The following TTN variants were observed in gnomAD, a reference collection of about 807,000 sequenced individuals.
The protein encoded by TTN is connectin.
In TTN, 1,525 loss-of-function variants were observed where a neutral mutation model predicts 3,223.0. That is an observed-to-expected ratio of 0.47 (90% CI 0.45 to 0.49). The LOEUF (loss-of-function observed/expected upper bound fraction) is 0.49, where lower values mean the gene tolerates loss of function less well. Among genes scored for constraint, TTN ranks in the 20% least tolerant of loss-of-function variants. The pLI, the probability that TTN is intolerant of heterozygous loss-of-function variation, is 0.00. For missense variants in TTN, 40,786 were observed against 43,424.0 expected, an observed-to-expected ratio of 0.94 and a Z score of 5.40; for synonymous variants, 14,094 against 15,161.0, an observed-to-expected ratio of 0.93 and a Z score of 5.17.
rs1188932965 is a variant in TTN at position 178,578,324 on chromosome 2, A to C, written c.68330-139T>G. On this transcript the variant is annotated intron_variant, in intron 321 of 362. Transcript: ENST00000589042. ...GCTAGTATCTATACTTTTATTACCC[A>C]AGCATAGTGCCATTTTTTTTTTCCT... 4.8e-6 allele frequency: 4 copies of C among 827,856 alleles called. No individual in the cohort carries two copies. In the South Asian group the frequency reaches 6.5e-5, roughly 13 times the overall value. The allele number at this position is 827,856 out of a possible 1,614,324, so 51.3% of individuals were successfully genotyped here. A position where few individuals can be genotyped will look rare whatever the true frequency, so the allele number is the denominator to read the frequency against.
Position 178,572,305 on chromosome 2 carries a change from T to G in TTN, c.73827A>C (p.Glu24609Asp), listed in dbSNP as rs754097967. The stretch of plus-strand genomic sequence containing the variant: ...GAGGTCGTTCTGATGCTTTCACAGA[T>G]TCTGCGGTTTCAGCAGGCAGCCCAA... ...YGIGLPAETAESVKASERPLP... is the reference protein window; with the variant it reads ...YGIGLPAETADSVKASERPLP... The change falls in exon 326 of 363, where the codon GAA becomes GAC. Residue 24609 changes from glutamate to aspartate, a missense_variant. Transcript: ENST00000589042. The G allele has an allele frequency of 6.2e-7, 1 of 1,611,624 alleles. No homozygotes were observed. Among genetic ancestry groups the G allele is most frequent in the East Asian group, 2.2e-5 (1 of 44,718 alleles).
chr2:178,728,514 T>C lies in TTN; in HGVS notation c.19412A>G (p.Tyr6471Cys). ...AAGATACAAACCTAGCACTCTTAAG[T>C]AGGCATCACAGCTACTGCTTCCGAA... is the stretch of plus-strand genomic sequence containing the variant. ...NDFGSSSCDA[Y>C]LRVLDQNIPP... Residue 6471 changes from tyrosine (Y) to cysteine (C), a missense_variant, in exon 66 of 363, where the codon TAC becomes TGC. Tyr to Cys is a radical substitution (Grantham distance 194). Coordinates refer to ENST00000589042, the MANE Select transcript of TTN (RefSeq NM_001267550.2). 3 of 1,610,346 alleles carry C rather than the reference T, an allele frequency of 1.9e-6. No individual in the cohort carries two copies. The highest frequency in any genetic ancestry group is 2.5e-6 in the Non-Finnish European group (3 of 1,177,496).
Position 178,530,681 on chromosome 2 carries a change from A to G in TTN, c.105934T>C (p.Leu35312=). The G allele has an allele frequency of 6.2e-7, 1 of 1,613,934 alleles. No homozygotes were observed. The highest frequency in any genetic ancestry group is 1.1e-5 in the South Asian group (1 of 91,084). The change falls in exon 358 of 363, where the codon TTA becomes CTA. Residue 35312 remains leucine, a synonymous_variant. Coordinates refer to ENST00000589042, the MANE Select transcript of TTN (RefSeq NM_001267550.2). ...TACCAGGTGACCTCTTTTGCCCTTA[A>G]TACACTGCTTTCAACCACACAGGTC... ...KLTCVVESSV[L]RAKEVTWYKD...
chr2:178,702,369 G>T, intron 107 of TTN, 85 bp downstream of exon 107: 1 of 1,599,744 alleles, frequency 6.3e-7, no homozygotes, highest in South Asian at 1.1e-5. Context: ...GATAGAATGA[G>T]AGCATGAGCG....
chr2:178,670,981 CAAG>C, intron 156 of TTN, 106 bp downstream of exon 156: 1 of 809,142 alleles, frequency 1.2e-6, no homozygotes, highest in Non-Finnish European at 1.9e-6. Context: ...ATGTCAGAAA[CAAG>C]AAATACAGAA....
rs1380070916 is a variant in TTN at position 178,710,729 on chromosome 2, G to A, written c.28368C>T (p.Val9456=). The change falls in exon 98 of 363, where the codon GTC becomes GTT. Residue 9456 remains valine, a synonymous_variant. Coordinates refer to ENST00000589042, the MANE Select transcript of TTN (RefSeq NM_001267550.2). ...CAGAATCTCCTTTGTCTACTTTGAG[G>A]ACTGTCAGGTGGGCGCTGTTTTCCA... ...SYLENSAHLT[V]LKVDKGDSGQ... is the part of the protein sequence containing the mutation. 1.9e-6 allele frequency: 3 copies of A among 1,613,718 alleles called. No individual in the cohort carries two copies. The highest frequency in any genetic ancestry group is 2.5e-6 in the Non-Finnish European group (3 of 1,179,830).
chr2:178,569,474 T>C lies in TTN; in HGVS notation c.76658A>G (p.Asp25553Gly), dbSNP rs1197063716. ...GCTAGTGACATCAATTATAGCTGCA[T>C]CTCGGATTTCACCATCCACCTTTCC... ...KWGKVDGEIR[D>G]AAIIDVTSSF... Residue 25553 changes from aspartate (D) to glycine (G), a missense_variant, in exon 326 of 363, where the codon GAT (aspartate) becomes GGT (glycine). Asp to Gly is a moderately conservative substitution (Grantham distance 94). Transcript: ENST00000589042. 2 of 1,612,766 alleles carry C rather than the reference T, an allele frequency of 1.2e-6. No homozygotes were observed. The highest frequency in any genetic ancestry group is 1.1e-5 in the South Asian group (1 of 91,000).
rs1204691944 is a variant in TTN, at chr2:178,713,326, A to G, written c.26808T>C (p.Asn8936=). ...PSFTRKLKET[N]GLSGSSVVME... ...TTACAACTGAGGAGCCGGATAGACC[A>G]TTTGTCTCTTTCAATTTTCTTGTGA... is the stretch of plus-strand genomic sequence containing the variant. The change falls in exon 93 of 363, where the codon AAT becomes AAC. Residue 8936 remains asparagine, a synonymous_variant. Transcript: ENST00000589042. The G allele has an allele frequency of 2.6e-6, 4 of 1,567,906 alleles. No homozygotes were observed. Among genetic ancestry groups the G allele is most frequent in the South Asian group, 1.2e-5 (1 of 85,780 alleles).
At chr2:178,685,907 A>C (rs1293326340) in intron 127 of TTN, among the ~76,000 whole-genome samples, 2 of 152,168 alleles carry the variant, frequency 1.3e-5, no homozygotes, top group Admixed American at 1.3e-4. Flanking sequence ...AGCTGAGTTA[A>C]TAAGAACAGA....
Position 178,672,703 on chromosome 2 carries a change from A to C in TTN, c.34787T>G (p.Val11596Gly). The change falls in exon 153 of 363, where the codon GTG (valine) becomes GGG (glycine). Residue 11596 changes from valine (V) to glycine (G), a missense_variant and splice_region_variant. Coordinates refer to ENST00000589042, the MANE Select transcript of TTN (RefSeq NM_001267550.2). ...PKKVEAPPAK[V>G]SKKIPEEKVP... ...TTTTTCCTCAGGAATTTTCTTTGAC[A>C]CTTTAAAGATATTAGGTGTTTTAGT... 1 of 1,599,332 alleles carries C rather than the reference A, an allele frequency of 6.3e-7. No homozygotes were observed. Among genetic ancestry groups the C allele is most frequent in the Admixed American group, 1.7e-5 (1 of 57,816 alleles).
chr2:178,738,549 T>C (rs1328925994), intron 48 of TTN, among the ~76,000 whole-genome samples, 189 bp from the exon 49 acceptor site: 1 of 152,126 alleles, frequency 6.6e-6, no homozygotes, highest in African/African-American at 2.4e-5. Flanking sequence ...CAATAAGCTT[T>C]TTTTAAAAAA....
chr2:178,739,821 A>T lies in TTN; in HGVS notation c.13412T>A (p.Met4471Lys), dbSNP rs765555971. Residue 4471 changes from methionine to lysine, a missense_variant, in exon 48 of 363, where the codon ATG becomes AAG. Coordinates refer to ENST00000589042, the MANE Select transcript of TTN (RefSeq NM_001267550.2). Reference protein sequence around the residue: ...DVDPQMANLKMELRDALCAII... With the variant: ...DVDPQMANLKKELRDALCAII... Reference sequence around the variant, plus strand: ...AGCACACAAAGCATCCCTAAGTTCCATTTTCAGGTTAGCCATTTGAGGATC... The same window carrying T: ...AGCACACAAAGCATCCCTAAGTTCCTTTTTCAGGTTAGCCATTTGAGGATC... 6.2e-7 allele frequency: 1 copy of T among 1,613,824 alleles called. No homozygotes were observed. The highest frequency in any genetic ancestry group is 8.5e-7 in the Non-Finnish European group (1 of 1,179,810).
rs1416855828 is a variant in TTN, at chr2:178,557,538, A to T, written c.87724T>A (p.Ser29242Thr). ...GTAACATTAGTGACCCATGGTGTAG[A>T]TGGTGGTCCAGGTGTTGCTACAAAA... ...KLPYTTPGPPSTPWVTNVTRE... is the reference protein window; with the variant it reads ...KLPYTTPGPPTTPWVTNVTRE... Residue 29242 changes from serine to threonine, a missense_variant, in exon 329 of 363, where the codon TCT (serine) becomes ACT (threonine). Physicochemically the swap from Ser to Thr is moderately conservative, Grantham distance 58. Coordinates refer to ENST00000589042, the MANE Select transcript of TTN (RefSeq NM_001267550.2). 2 of 1,613,788 alleles carry T rather than the reference A, an allele frequency of 1.2e-6. No individual in the cohort carries two copies. The highest frequency in any genetic ancestry group is 1.3e-5 in the African/African-American group (1 of 74,940).
At position 178,533,855 on chromosome 2, in the gene TTN, G is replaced by A; in HGVS notation, c.102760C>T (p.Leu34254=). 1 of 1,613,896 alleles carries A rather than the reference G, an allele frequency of 6.2e-7. No individual in the cohort carries two copies. The highest frequency in any genetic ancestry group is 1.1e-5 in the South Asian group (1 of 91,084). ...AGGGTAAATTCTGGTGGCCTTTCCA[G>A]GAGTCTCATTGTGTCTGTTCTGCGC... ...IKRRTDTMRL[L]ERPPEFTLPL... The change falls in exon 358 of 363, where the codon CTG becomes TTG. Residue 34254 remains leucine (L), a synonymous_variant. Transcript: ENST00000589042.
At position 178,770,333 on chromosome 2, in the gene TTN, T is replaced by C. The variant is rs2091280199; in HGVS notation, c.8381-13A>G. 2 of 1,614,148 alleles carry C rather than the reference T, an allele frequency of 1.2e-6. No individual in the cohort carries two copies. Among genetic ancestry groups the C allele is most frequent in the Non-Finnish European group, 1.7e-6 (2 of 1,180,020 alleles). Reference sequence around the variant, plus strand: ...ATGATCTTGACAGCTAAGAGGAAAATTGGAGCAATTCAGTGATAGGGTTAA... The same window carrying C: ...ATGATCTTGACAGCTAAGAGGAAAACTGGAGCAATTCAGTGATAGGGTTAA... On this transcript the variant is annotated splice_polypyrimidine_tract_variant and intron_variant, in intron 35 of 362. Coordinates refer to ENST00000589042, the MANE Select transcript of TTN (RefSeq NM_001267550.2).
chr2:178,669,465 TATTA>T lies in TTN; in HGVS notation c.35471-22_35471-19del. 1 of 1,556,352 alleles carries T rather than the reference TATTA, an allele frequency of 6.4e-7. No homozygotes were observed. Among genetic ancestry groups the T allele is most frequent in the Non-Finnish European group, 8.6e-7 (1 of 1,157,514 alleles). On this transcript the variant is annotated intron_variant, in intron 158 of 362. Coordinates refer to ENST00000589042, the MANE Select transcript of TTN (RefSeq NM_001267550.2). The stretch of plus-strand genomic sequence containing the variant: ...CCCAGGAACTTTAAAGATATTAGTA[TATTA>T]ATTGTTACAGATAACAAATATAAGA...
chr2:178,738,488 T>C (rs987349714), intron 48 of TTN, 128 bp from the exon 49 acceptor site: 6 of 1,159,796 alleles, frequency 5.2e-6, no homozygotes, highest in Admixed American at 6.3e-5. Flanking sequence ...ATTACAGCAG[T>C]TTAAGGCAAG....
At chr2:178,727,421 A>G (rs1432405895) in intron 68 of TTN, 50 bp from the exon 69 acceptor site, 1 of 1,519,616 alleles carries the variant, frequency 6.6e-7, no homozygotes, top group Non-Finnish European at 8.8e-7. Context: ...ATAAATAACA[A>G]TAGTTAAATT....
At chr2:178,598,160 C>G (rs2052275042) in intron 292 of TTN, 102 bp from the exon 293 acceptor site, 1 of 1,341,656 alleles carries the variant, frequency 7.5e-7, no homozygotes, top group African/African-American at 1.5e-5. Context: ...TAACTGTTTA[C>G]TCTGGGAAAA....
Sources: gnomAD v4.1 joint callset for allele counts (sites outside exome capture counted in the v4.1 genomes callset) on GRCh38, gnomAD v4.1.1 for gene constraint, MANE v1.5 for transcripts, NCBI Gene and HGNC (gene_info 2026-07-23, HGNC 2026-07-21) for gene names.